The following CRISP1 variants were observed in gnomAD, a reference collection of about 807,000 sequenced individuals.
CRISP1 encodes the protein cysteine rich secretory protein 1, also known as cysteine-rich secretory protein 1.
Under a neutral mutation model 33.1 loss-of-function variants are expected in CRISP1, and 44 were observed. The observed-to-expected ratio is 1.33, with a 90% confidence interval of 1.05 to 1.71. The LOEUF (loss-of-function observed/expected upper bound fraction) is 1.71. Ranked by LOEUF, CRISP1 falls within the 40% of genes most tolerant of loss-of-function variation. CRISP1 has a pLI of 0.00. For synonymous variants in CRISP1, 103 were observed against 98.7 expected, an observed-to-expected ratio of 1.04 and a Z score of -0.26; for missense variants, 390 against 301.2, an observed-to-expected ratio of 1.29 and a Z score of -2.18.
intron 2 of CRISP1, among the ~76,000 whole-genome samples, chr6:49,856,321 C>T (rs912917250): frequency 1.3e-5 from 2 of 152,144 alleles, no homozygotes; most frequent in African/African-American, 2.4e-5. Flanking sequence ...GGAATGGTGG[C>T]TATACTTCAG....
intron 2 of CRISP1, among the ~76,000 whole-genome samples, chr6:49,853,045 T>A (rs906659074): frequency 2.6e-5 from 4 of 152,114 alleles, no homozygotes; most frequent in Admixed American, 6.6e-5. Context: ...TATAGAAGTA[T>A]TCACTGTCAT....
intron 1 of CRISP1, among the ~76,000 whole-genome samples, chr6:49,876,304 C>G (rs996057401): frequency 2.6e-5 from 4 of 152,104 alleles, no homozygotes; most frequent in African/African-American, 9.7e-5. Flanking sequence ...CATCACTGAT[C>G]ATTAGAGAAA....
chr6:49,868,960 CTCT>C (rs1007022273), upstream of CRISP1, among the ~76,000 whole-genome samples: 3 of 152,132 alleles, frequency 2.0e-5, no homozygotes, highest in African/African-American at 7.2e-5. Flanking sequence ...AATTTCCCCC[CTCT>C]TCTTCTACAA....
intron 1 of CRISP1, among the ~76,000 whole-genome samples, chr6:49,861,629 G>C (rs1582281057): frequency 6.6e-6 from 1 of 152,066 alleles, no homozygotes; most frequent in South Asian, 2.1e-4. Flanking sequence ...CACGCCTGTA[G>C]TTCCAGCACT....
intron 1 of CRISP1, among the ~76,000 whole-genome samples, chr6:49,860,748 G>A (rs1415193674): frequency 6.6e-6 from 1 of 151,928 alleles, no homozygotes; most frequent in Non-Finnish European, 1.5e-5. Context: ...AAAACTGGCA[G>A]AAGAAATCAC....
chr6:49,876,773 C>T (rs1481534544), intron 1 of CRISP1, among the ~76,000 whole-genome samples: 1 of 151,992 alleles, frequency 6.6e-6, no homozygotes, highest in Admixed American at 6.6e-5. Context: ...CCCTAACACA[C>T]TAACACAGGA....
intron 1 of CRISP1, among the ~76,000 whole-genome samples, chr6:49,876,829 A>C (rs1262258318): frequency 6.6e-6 from 1 of 151,982 alleles, no homozygotes; most frequent in Non-Finnish European, 1.5e-5. Flanking sequence ...GTGGTTGCTG[A>C]ATGATGAGAA....
At chr6:49,870,017 A>G (rs1263585846), upstream of CRISP1, among the ~76,000 whole-genome samples, 2 of 152,162 alleles carry the variant, frequency 1.3e-5, no homozygotes, top group African/African-American at 4.8e-5. Context: ...CAGCTCTTTG[A>G]TCTTGGACTT....
At chr6:49,848,407 C>A in intron 3 of CRISP1, 108 bp from the exon 4 acceptor site, 3 of 569,668 alleles carry the variant, frequency 5.3e-6, no homozygotes, top group Admixed American at 3.4e-5. Flanking sequence ...ATTGTATCAA[C>A]TAGAAATTTA....
rs899717120 is a variant in CRISP1 at position 49,834,389 on chromosome 6, C to G, written c.*927G>C. ...GCCTTCCCTTTCCCCATGTCAGGCCCTTCAATATTCCCTAAGGCTTCAGTG... is the reference window on the plus strand; with the variant it reads ...GCCTTCCCTTTCCCCATGTCAGGCCGTTCAATATTCCCTAAGGCTTCAGTG... On this transcript the variant is annotated 3_prime_UTR_variant, in exon 8 of 8. Coordinates refer to ENST00000335847, the MANE Select transcript of CRISP1 (RefSeq NM_001131.3). 2.0e-5 allele frequency: 3 copies of G among 152,008 alleles called. No homozygotes were observed. Among genetic ancestry groups the G allele is most frequent in the Non-Finnish European group, 4.4e-5 (3 of 68,000 alleles). 9.4% of individuals were successfully genotyped at this position (152,008 alleles called of 1,614,324 possible). A position where few individuals can be genotyped will look rare whatever the true frequency, so the allele number is the denominator to read the frequency against.
intron 2 of CRISP1, among the ~76,000 whole-genome samples, chr6:49,854,929 G>A (rs546514047): frequency 6.6e-6 from 1 of 152,188 alleles, no homozygotes; most frequent in South Asian, 2.1e-4. Flanking sequence ...CATACAAAAT[G>A]GCAATAAGGT....
intron 2 of CRISP1, among the ~76,000 whole-genome samples, chr6:49,854,340 T>C (rs999818473): frequency 4.6e-5 from 7 of 152,160 alleles, no homozygotes; most frequent in African/African-American, 1.7e-4. Context: ...TTTTGGCCCT[T>C]CCCAGCAGTG....
chr6:49,854,803 G>C (rs564887291), intron 2 of CRISP1, among the ~76,000 whole-genome samples: 3 of 152,260 alleles, frequency 2.0e-5, no homozygotes, highest in African/African-American at 7.2e-5. Context: ...TGAGGTTGTC[G>C]TGATGGGCAT....
intron 7 of CRISP1, among the ~76,000 whole-genome samples, chr6:49,838,218 G>A (rs934576345): frequency 5.3e-5 from 8 of 152,132 alleles, no homozygotes; most frequent in African/African-American, 1.7e-4. Flanking sequence ...GTGGGAACTC[G>A]AGTTCTCAGA....
intron 3 of CRISP1, among the ~76,000 whole-genome samples, chr6:49,849,105 A>G (rs1476292906): frequency 6.6e-6 from 1 of 152,146 alleles, no homozygotes; most frequent in African/African-American, 2.4e-5. Flanking sequence ...TGACTAAGTA[A>G]CAGCTGTTCT....
chr6:49,858,976 C>T (rs1206356895), intron 1 of CRISP1, among the ~76,000 whole-genome samples: 1 of 152,076 alleles, frequency 6.6e-6, no homozygotes, highest in Non-Finnish European at 1.5e-5. Flanking sequence ...AAAAACAAGG[C>T]AGTCTGCTCA....
intron 2 of CRISP1, among the ~76,000 whole-genome samples, chr6:49,854,368 A>C (rs1301210313): frequency 6.6e-6 from 1 of 152,018 alleles, no homozygotes; most frequent in East Asian, 1.9e-4. Flanking sequence ...ATGATTATGC[A>C]GCTTATATCT....
intron 1 of CRISP1, among the ~76,000 whole-genome samples, chr6:49,872,262 G>A (rs1262417124): frequency 6.6e-6 from 1 of 151,702 alleles, no homozygotes; most frequent in Non-Finnish European, 1.5e-5. Flanking sequence ...TTTTTTTCTT[G>A]TAAATTTGTT....
intron 1 of CRISP1, among the ~76,000 whole-genome samples, chr6:49,872,517 G>C (rs1452556606): frequency 2.6e-5 from 4 of 152,142 alleles, no homozygotes; most frequent in African/African-American, 9.6e-5. Context: ...TTTCTTCTAG[G>C]GTTTTTATGG....
Sources: allele counts gnomAD v4.1 joint callset (sites outside exome capture counted in the v4.1 genomes callset), GRCh38; gene constraint gnomAD v4.1.1; transcripts MANE v1.5; gene names NCBI Gene and HGNC (gene_info 2026-07-23, HGNC 2026-07-21).